The following ACAA2 variants were observed in gnomAD, a reference collection of about 807,000 sequenced individuals.
The protein encoded by ACAA2 is 3-ketoacyl-CoA thiolase, mitochondrial.
In ACAA2, 35 loss-of-function variants were observed where a neutral mutation model predicts 44.8. The ratio of observed to expected loss-of-function variants is 0.78; its 90% CI spans 0.60 to 1.04. The LOEUF is 1.04. Ranked by LOEUF, ACAA2 falls within the 50% of genes least tolerant of loss-of-function variation. The pLI is 0.00. For missense variants in ACAA2, 468 were observed against 482.6 expected (o/e 0.97, Z 0.28); for synonymous variants, 142 against 166.5 (o/e 0.85, Z 1.13).
chr18:49,787,464 G>A (rs558814587), intron 7 of ACAA2, 103 bp from the exon 8 acceptor site: 17 of 843,658 alleles, frequency 2.0e-5, no homozygotes, highest in African/African-American at 3.6e-5. Flanking sequence ...GAAATAATGC[G>A]GCAGTTATTA....
Position 49,787,331 on chromosome 18 carries a change from T to C in ACAA2, c.914A>G (p.Lys305Arg). The C allele has an allele frequency of 6.8e-7, 1 of 1,477,098 alleles. No individual in the cohort carries two copies. Among genetic ancestry groups the C allele is most frequent in the Non-Finnish European group, 9.0e-7 (1 of 1,116,046 alleles). 91.5% of individuals were successfully genotyped at this position (1,477,098 alleles called of 1,614,324 possible). A position where few individuals can be genotyped will look rare whatever the true frequency, so the allele number is the denominator to read the frequency against. The change falls in exon 8 of 10, where the codon AAG (lysine) becomes AGG (arginine). Residue 305 changes from lysine to arginine, a missense_variant. Coordinates refer to ENST00000285093, the MANE Select transcript of ACAA2 (RefSeq NM_006111.3). The stretch of plus-strand genomic sequence containing the variant: ...GTCCTTAAGACTCAGTCCTGCTTTC[T>C]TCAGTGCCCCACTGATAGCAGGGAC... ...GPVPAISGAL[K>R]KAGLSLKDMD... is the part of the protein sequence containing the mutation.
chr18:49,787,869 T>C (rs2023352406), intron 7 of ACAA2, among the ~76,000 whole-genome samples: 1 of 152,188 alleles, frequency 6.6e-6, no homozygotes, highest in Admixed American at 6.5e-5. Flanking sequence ...ATCCAAGCCA[T>C]ATGCATTCAC....
chr18:49,799,489 T>C lies in ACAA2; in HGVS notation c.184-1895A>G, dbSNP rs543366060. On this transcript the variant is annotated intron_variant, in intron 2 of 9. Coordinates refer to ENST00000285093, the MANE Select transcript of ACAA2 (RefSeq NM_006111.3). Reference sequence around the variant, plus strand: ...GCCTCGGCCTCCCGGGGTGCTGGGATTGCGGACGGAGTCTTGTTCACTCAG... The same window carrying C: ...GCCTCGGCCTCCCGGGGTGCTGGGACTGCGGACGGAGTCTTGTTCACTCAG... Among the ~76,000 whole-genome samples the C allele has an allele frequency of 9.2e-5, 14 of 152,322 alleles. No homozygotes were observed. In the South Asian group the frequency reaches 2.7e-3, roughly 29 times the overall value.
chr18:49,802,994 G>A, intron 1 of ACAA2, 141 bp from the exon 2 acceptor site: 1 of 955,898 alleles, frequency 1.0e-6, no homozygotes, highest in Non-Finnish European at 1.7e-6. Context: ...CCTAGAACAA[G>A]TCATACCCAT....
At chr18:49,796,963 G>T (rs939769567) in intron 3 of ACAA2, among the ~76,000 whole-genome samples, 4 of 91,090 alleles carry the variant, frequency 4.4e-5, no homozygotes, top group African/African-American at 2.0e-4. Context: ...TAAAAATATT[G>T]AAGTATATAT....
rs1460445443 is a variant in ACAA2 at position 49,783,537 on chromosome 18, T to C, written c.*310A>G. ...AGGCAACATTTATTTGATTTCCTTATAATCATATTATCTAAGGCAGAAGTG... is the reference window on the plus strand; with the variant it reads ...AGGCAACATTTATTTGATTTCCTTACAATCATATTATCTAAGGCAGAAGTG... On this transcript the variant is annotated 3_prime_UTR_variant, in exon 10 of 10. Transcript: ENST00000285093. 4.5e-6 allele frequency: 1 copy of C among 224,084 alleles called. No individual in the cohort carries two copies. Among genetic ancestry groups the C allele is most frequent in the African/African-American group, 2.2e-5 (1 of 44,762 alleles). 13.9% of individuals were successfully genotyped at this position (224,084 alleles called of 1,614,324 possible).
chr18:49,787,373 T>A lies in ACAA2; in HGVS notation c.884-12A>T. On this transcript the variant is annotated splice_polypyrimidine_tract_variant and intron_variant, in intron 7 of 9. Transcript: ENST00000285093. ...AGCAGGGACAGGACCTATATAATAA[T>A]AAAAATCTTCTATAAAAATATAGAA... is the stretch of plus-strand genomic sequence containing the variant. 1 of 1,381,792 alleles carries A rather than the reference T, an allele frequency of 7.2e-7. No individual in the cohort carries two copies. The highest frequency in any genetic ancestry group is 1.8e-5 in the South Asian group (1 of 56,032). 85.6% of individuals were successfully genotyped at this position (1,381,792 alleles called of 1,614,324 possible). A position where few individuals can be genotyped will look rare whatever the true frequency, so the allele number is the denominator to read the frequency against.
intron 1 of ACAA2, chr18:49,811,450 G>C (rs1279047629): frequency 6.6e-6 from 1 of 152,158 alleles, no homozygotes; most frequent in Non-Finnish European, 1.5e-5. Flanking sequence ...GGAGAGCTAT[G>C]ATCTGTCGAG....
At chr18:49,813,013 C>T (rs1385640015) in intron 1 of ACAA2, 1 of 160,228 alleles carries the variant, frequency 6.2e-6, no homozygotes, top group Non-Finnish European at 1.4e-5. Context: ...CAGCAGAACA[C>T]CAGCTACCAT....
In ACAA2 at chr18:49,802,697, T is replaced by C. The variant is rs972206700; in HGVS notation, c.173A>G (p.Asn58Ser). 1.9e-6 allele frequency: 3 copies of C among 1,613,786 alleles called. No individual in the cohort carries two copies. Among genetic ancestry groups the C allele is most frequent in the Non-Finnish European group, 2.5e-6 (3 of 1,179,922 alleles). Reference sequence around the variant, plus strand: ...CTTTACTCTACTAACCTGCAGGACATTGCCCATAATCACACTGTCAACTGT... The same window carrying C: ...CTTTACTCTACTAACCTGCAGGACACTGCCCATAATCACACTGTCAACTGT... ...PETVDSVIMGNVLQSSSDAIY... is the reference protein window; with the variant it reads ...PETVDSVIMGSVLQSSSDAIY... The change falls in exon 2 of 10, where the codon AAT (asparagine) becomes AGT (serine). Residue 58 changes from asparagine to serine, a missense_variant. Asn to Ser is a conservative substitution (Grantham distance 46). Coordinates refer to ENST00000285093, the MANE Select transcript of ACAA2 (RefSeq NM_006111.3).
At chr18:49,795,242 A>G (rs2023451751) in intron 4 of ACAA2, among the ~76,000 whole-genome samples, 1 of 152,224 alleles carries the variant, frequency 6.6e-6, no homozygotes, top group South Asian at 2.1e-4. Flanking sequence ...TCAGTACTGT[A>G]CCATCATTCT....
intron 8 of ACAA2, 59 bp from the exon 9 acceptor site, chr18:49,785,410 G>A: frequency 1.3e-6 from 2 of 1,559,154 alleles, no homozygotes; most frequent in Non-Finnish European, 1.7e-6. Context: ...ATTTTTAAAT[G>A]AGAATGGTCC....
At chr18:49,795,942 AAC>A in intron 3 of ACAA2, 61 bp from the exon 4 acceptor site, 1 of 1,013,420 alleles carries the variant, frequency 9.9e-7, no homozygotes, top group Non-Finnish European at 1.5e-6. Context: ...TGTATTAAGA[AAC>A]ACACTGATTT....
chr18:49,808,465 C>T (rs887882598), intron 1 of ACAA2, among the ~76,000 whole-genome samples: 1 of 152,296 alleles, frequency 6.6e-6, no homozygotes, highest in East Asian at 1.9e-4. Flanking sequence ...TGGGAACCCG[C>T]CCCCCAATAT....
intron 9 of ACAA2, among the ~76,000 whole-genome samples, 195 bp from the exon 10 acceptor site, chr18:49,784,126 AAAAAACAAAGAAC>A (rs778710486): frequency 1.3e-5 from 2 of 150,986 alleles, no homozygotes; most frequent in Non-Finnish European, 2.9e-5. Context: ...CAAAAAAAAC[AAAAAACAAAGAAC>A]AAAAACAAAC....
intron 2 of ACAA2, among the ~76,000 whole-genome samples, chr18:49,799,823 C>T (rs1180554546): frequency 1.4e-4 from 20 of 144,032 alleles, no homozygotes; most frequent in South Asian, 2.4e-4. Flanking sequence ...CGTCTCTGCC[C>T]GGCCGCCCAT....
At chr18:49,791,391 C>CT in intron 7 of ACAA2, 79 bp downstream of exon 7, 1 of 1,493,400 alleles carries the variant, frequency 6.7e-7, no homozygotes, top group Non-Finnish European at 9.1e-7. Flanking sequence ...GGTTTGGCCA[C>CT]TTTTTCAGGA....
chr18:49,797,265 C>CTTTTTT (rs11392686), intron 3 of ACAA2, among the ~76,000 whole-genome samples: 11 of 143,796 alleles, frequency 7.6e-5, no homozygotes, highest in Non-Finnish European at 9.1e-5. Flanking sequence ...TCATTATTAG[C>CTTTTTT]TTTTTTTTTT....
intron 2 of ACAA2, among the ~76,000 whole-genome samples, chr18:49,799,864 G>A (rs2023516829): frequency 7.2e-6 from 1 of 138,718 alleles, no homozygotes; most frequent in East Asian, 2.3e-4. Context: ...CCTCTGCCCG[G>A]CCGCGACCCC....
Sources: gnomAD v4.1 joint callset for allele counts (sites outside exome capture counted in the v4.1 genomes callset) on GRCh38, gnomAD v4.1.1 for gene constraint, MANE v1.5 for transcripts, NCBI Gene and HGNC (gene_info 2026-07-23, HGNC 2026-07-21) for gene names.